NOD1: variants seen among roughly 807,000 people sequenced by gnomAD.
The protein encoded by NOD1 is nucleotide-binding oligomerization domain-containing protein 1.
A neutral mutation model predicts 81.2 loss-of-function variants in NOD1; 70 were observed. The observed-to-expected ratio is 0.86, with a 90% CI of 0.71 to 1.05. The LOEUF (loss-of-function observed/expected upper bound fraction) is 1.05, where lower values mean the gene tolerates loss of function less well. Among genes scored for constraint, NOD1 ranks in the 50% least tolerant of loss-of-function variants. The pLI is 0.00. For synonymous variants in NOD1, 508 were observed against 526.9 expected, an observed-to-expected ratio of 0.96 and a Z score of 0.49; for missense variants, 1,233 against 1,228.0, an observed-to-expected ratio of 1.00 and a Z score of -0.06.
At chr7:30,431,494 C>A (rs999886768) in intron 12 of NOD1, among the ~76,000 whole-genome samples, 1 of 152,192 alleles carries the variant, frequency 6.6e-6, no homozygotes, top group African/African-American at 2.4e-5. Context: ...TAAACCCATA[C>A]ATTTATGGTC....
At position 30,453,025 on chromosome 7, in the gene NOD1, T is replaced by A; in HGVS notation, c.392A>T (p.Gln131Leu). 1 of 1,605,808 alleles carries A rather than the reference T, an allele frequency of 6.2e-7. No homozygotes were observed. Among genetic ancestry groups the A allele is most frequent in the Non-Finnish European group, 8.5e-7 (1 of 1,174,514 alleles). ...VNTDPVSRYT[Q>L]QLRHHLGRDS... ...ACGGCCCAGATGGTGTCGCAGCTGC[T>A]GGGTATACCTGCTCACTGGAGGGAG... Residue 131 changes from glutamine to leucine, a missense_variant, in exon 6 of 14, where the codon CAG becomes CTG. Transcript: ENST00000222823.
rs1045661992 is a variant in NOD1 at position 30,478,730 on chromosome 7, G to A, written c.-476C>T. 6.6e-6 allele frequency: 1 copy of A among 152,330 alleles called. No individual in the cohort carries two copies. Among genetic ancestry groups the A allele is most frequent in the Admixed American group, 6.5e-5 (1 of 15,288 alleles). 9.4% of individuals were successfully genotyped at this position (152,330 alleles called of 1,614,324 possible). A position where few individuals can be genotyped will look rare whatever the true frequency, so the allele number is the denominator to read the frequency against. On this transcript the variant is annotated 5_prime_UTR_variant, in exon 1 of 14. Coordinates refer to ENST00000222823, the MANE Select transcript of NOD1 (RefSeq NM_006092.4). This position sits in a 1 kb window ranked among gnomAD's most constrained non-coding sequence, Gnocchi z 4.1. Reference sequence around the variant, plus strand: ...CCGGGAGGACGCTGCTCCCGCAGTAGCGCGAGGGAGGGGCAGGACCGGGGC... The same window carrying A: ...CCGGGAGGACGCTGCTCCCGCAGTAACGCGAGGGAGGGGCAGGACCGGGGC...
chr7:30,432,334 G>C (rs1468218869), intron 12 of NOD1, among the ~76,000 whole-genome samples: 1 of 152,100 alleles, frequency 6.6e-6, no homozygotes, highest in Non-Finnish European at 1.5e-5. Flanking sequence ...ACTCCCAGTA[G>C]GCACATAAAA....
intron 8 of NOD1, 39 bp downstream of exon 8, chr7:30,446,928 A>C: frequency 3.3e-6 from 5 of 1,500,844 alleles, no homozygotes; most frequent in Non-Finnish European, 4.6e-6. Context: ...GGGGTGATCA[A>C]GAGAATATAC....
chr7:30,446,720 A>G (rs1422447599), intron 8 of NOD1: 2 of 497,700 alleles, frequency 4.0e-6, no homozygotes, highest in Non-Finnish European at 7.1e-6. Flanking sequence ...GGTGAGAGTT[A>G]GTCCTTTCTT....
In NOD1 at chr7:30,451,404, C is replaced by T. The variant is rs763319599; in HGVS notation, c.2013G>A (p.Ala671=). ...GGTAGTTGGCGCAGATGCCCCTGGCCGCCAGCTGCCCCACCTTCTGGCTCT... is the reference window on the plus strand; with the variant it reads ...GGTAGTTGGCGCAGATGCCCCTGGCTGCCAGCTGCCCCACCTTCTGGCTCT... The part of the protein sequence containing the change: ...ETQSQKVGQL[A]ARGICANYLK... The change falls in exon 6 of 14, where the codon GCG becomes GCA. Residue 671 remains alanine, a synonymous_variant. Coordinates refer to ENST00000222823, the MANE Select transcript of NOD1 (RefSeq NM_006092.4). This position sits in a 1 kb window ranked among gnomAD's most constrained non-coding sequence, Gnocchi z 4.2. The T allele has an allele frequency of 1.5e-5, 25 of 1,613,882 alleles. No individual in the cohort carries two copies. The highest frequency in any genetic ancestry group is 8.8e-5 in the South Asian group (8 of 91,086).
intron 1 of NOD1, among the ~76,000 whole-genome samples, chr7:30,475,175 G>A (rs561407582): frequency 7.0e-4 from 106 of 152,318 alleles, no homozygotes; most frequent in African/African-American, 2.5e-3. Flanking sequence ...CATGTAAGGC[G>A]TTTCCTTAGC....
At chr7:30,465,210 C>G (rs577980846) in intron 1 of NOD1, among the ~76,000 whole-genome samples, 1 of 152,252 alleles carries the variant, frequency 6.6e-6, no homozygotes, top group East Asian at 1.9e-4. Context: ...ACAGGGAGAC[C>G]CAGTTAGAGC....
rs560617640 is a variant in NOD1, at chr7:30,462,686, C to T, written c.-351-2645G>A. ...ACTTAGGGCTGGGTGCAGTGGCTCA[C>T]GCTTGTAATCCTAGCACTTTGGGAG... On this transcript the variant is annotated intron_variant, in intron 1 of 13. Coordinates refer to ENST00000222823, the MANE Select transcript of NOD1 (RefSeq NM_006092.4). Among the ~76,000 whole-genome samples, 8 of 152,224 alleles carry T rather than the reference C, an allele frequency of 5.3e-5. No individual in the cohort carries two copies. The East Asian group carries it at 9.6e-4, about 18-fold the overall frequency.
chr7:30,437,529 G>A (rs767817230), intron 10 of NOD1, 44 bp downstream of exon 10: 19 of 1,295,744 alleles, frequency 1.5e-5, no homozygotes, highest in Non-Finnish European at 1.8e-5. Context: ...AGAGCAGCTG[G>A]GAGGGACCAG....
Position 30,446,119 on chromosome 7 carries a change from ACATC to A in NOD1, c.2453+18_2453+21del. ...ACACACACAGCAGGTTGTACCACAT[ACATC>A]CATCCCCTTCTACTCACCCAACCTC... On this transcript the variant is annotated intron_variant, in intron 9 of 13. Transcript: ENST00000222823. 2.5e-6 allele frequency: 4 copies of A among 1,587,398 alleles called. No homozygotes were observed. The highest frequency in any genetic ancestry group is 3.5e-6 in the Non-Finnish European group (4 of 1,155,796).
At chr7:30,426,260 C>A (rs763464080) in intron 13 of NOD1, among the ~76,000 whole-genome samples, 12 of 152,088 alleles carry the variant, frequency 7.9e-5, no homozygotes, top group Non-Finnish European at 1.6e-4. Flanking sequence ...ACCTCTCCCC[C>A]ACACCTCAAA....
intron 12 of NOD1, among the ~76,000 whole-genome samples, chr7:30,430,775 G>A (rs575889185): frequency 1.3e-5 from 2 of 152,314 alleles, no homozygotes; most frequent in Admixed American, 6.5e-5. Context: ...AGGGGGAAGG[G>A]AGCTCTTGTC....
intron 6 of NOD1, among the ~76,000 whole-genome samples, chr7:30,450,688 CT>C (rs1785597379): frequency 6.6e-6 from 1 of 152,154 alleles, no homozygotes; most frequent in African/African-American, 2.4e-5. Context: ...ATTCCAGAAA[CT>C]TTTTGAGGGC....
intron 1 of NOD1, among the ~76,000 whole-genome samples, chr7:30,465,104 CAG>C (rs757595709): frequency 3.9e-5 from 6 of 152,050 alleles, no homozygotes; most frequent in Admixed American, 2.6e-4. Flanking sequence ...CAGAGAGAGA[CAG>C]GGGGGTGCCG....
chr7:30,455,251 A>G lies in NOD1; in HGVS notation c.262T>C (p.Tyr88His). 1.9e-6 allele frequency: 3 copies of G among 1,614,204 alleles called. No individual in the cohort carries two copies. The highest frequency in any genetic ancestry group is 2.2e-5 in the South Asian group (2 of 91,092). The change falls in exon 5 of 14, where the codon TAC becomes CAC. Residue 88 changes from tyrosine to histidine, a missense_variant. Transcript: ENST00000222823. ...KGEEVSEFFLYLLQQLADAYV... is the reference protein window; with the variant it reads ...KGEEVSEFFLHLLQQLADAYV... ...GCATCTGCGAGTTGCTGGAGCAAGTAGAGGAAGAACTCGGACACCTCCTCG... is the reference window on the plus strand; with the variant it reads ...GCATCTGCGAGTTGCTGGAGCAAGTGGAGGAAGAACTCGGACACCTCCTCG...
In NOD1 at chr7:30,436,051, TCCTTCTGTGGAGATG is replaced by T. The variant is rs1267212069; in HGVS notation, c.2553_2567del (p.Ile852_Gly856del). 6.2e-7 allele frequency: 1 copy of T among 1,614,200 alleles called. No individual in the cohort carries two copies. Among genetic ancestry groups the T allele is most frequent in the Admixed American group, 1.7e-5 (1 of 60,028 alleles). The stretch of plus-strand genomic sequence containing the variant: ...GCAGGGCCCTCGCAAGGCTCTTTCC[TCCTTCTGTGGAGATG>T]CCGTTGGACGCAAGACTAGGAAGGA... On this transcript the variant is annotated inframe_deletion, in exon 11 of 14. Transcript: ENST00000222823.
chr7:30,447,852 A>G (rs1416337528), intron 7 of NOD1: 1 of 158,864 alleles, frequency 6.3e-6, no homozygotes, highest in African/African-American at 2.4e-5. Context: ...GAGAAATATG[A>G]AAGTGTTTGA....
In NOD1 at chr7:30,447,023, G is replaced by C; in HGVS notation, c.2313C>G (p.Val771=). The C allele has an allele frequency of 6.2e-7, 1 of 1,614,110 alleles. No individual in the cohort carries two copies. The highest frequency in any genetic ancestry group is 8.5e-7 in the Non-Finnish European group (1 of 1,179,950). Residue 771 remains valine, a synonymous_variant, in exon 8 of 14, where the codon GTC becomes GTG. Transcript: ENST00000222823. ...GGATTTTGGTGACGTACCTGGCTCC[G>C]ACATCGGTGATCTGGTTGTTGTATA... ...LGLYNNQITD[V]GARYVTKILD...
Sources: allele counts gnomAD v4.1 joint callset (sites outside exome capture counted in the v4.1 genomes callset), GRCh38; gene constraint gnomAD v4.1.1; non-coding constraint Gnocchi (gnomAD v3.1); transcripts MANE v1.5; gene names NCBI Gene and HGNC (gene_info 2026-07-23, HGNC 2026-07-21).